Variants in PPIP5K2 observed in about 807,000 individuals in gnomAD.
PPIP5K2 encodes inositol hexakisphosphate and diphosphoinositol-pentakisphosphate kinase 2.
Under a neutral mutation model 154.6 loss-of-function variants are expected in PPIP5K2, and 105 were observed. That is an observed-to-expected ratio of 0.68 (90% confidence interval 0.58 to 0.80). The LOEUF is 0.80. PPIP5K2 is among the 30% of genes least tolerant of loss of function. The pLI, the probability that PPIP5K2 is intolerant of heterozygous loss-of-function variation, is 0.00. For missense variants in PPIP5K2, 992 were observed against 1,504.6 expected (o/e 0.66, Z 5.64); for synonymous variants, 480 against 490.3 (o/e 0.98, Z 0.28).
chr5:103,184,854 A>G (rs1307268669), intron 26 of PPIP5K2, 110 bp downstream of exon 26: 2 of 723,368 alleles, frequency 2.8e-6, no homozygotes, highest in Non-Finnish European at 4.6e-6. Context: ...TGTAGTTTTT[A>G]TTTAATGTGT....
intron 3 of PPIP5K2, among the ~76,000 whole-genome samples, chr5:103,134,814 A>G (rs1791199310): frequency 6.6e-6 from 1 of 152,212 alleles, no homozygotes; most frequent in Non-Finnish European, 1.5e-5. Context: ...AATCATAGAC[A>G]TTGAGACATC....
chr5:103,161,578 A>G (rs1796246956), intron 17 of PPIP5K2, among the ~76,000 whole-genome samples: 1 of 152,198 alleles, frequency 6.6e-6, no homozygotes, highest in Non-Finnish European at 1.5e-5. Flanking sequence ...TCCCACCAAC[A>G]GTGTAAAAGT....
rs1287232956 is a variant in PPIP5K2 at position 103,158,644 on chromosome 5, G to C, written c.1737+71G>C. On this transcript the variant is annotated intron_variant, in intron 16 of 30. Transcript: ENST00000358359. The stretch of plus-strand genomic sequence containing the variant: ...ATTGTATCTTAAAACATTTTTGGCT[G>C]GGCGCAGTGGCTTACACCTGTAATC... 5 of 1,310,808 alleles carry C rather than the reference G, an allele frequency of 3.8e-6. No homozygotes were observed. In the East Asian group the frequency reaches 1.3e-4, roughly 34 times the overall value. The allele number at this position is 1,310,808 out of a possible 1,614,324, so 81.2% of individuals were successfully genotyped here.
At chr5:103,121,407 A>C (rs1215881600) in intron 1 of PPIP5K2, among the ~76,000 whole-genome samples, 2 of 152,186 alleles carry the variant, frequency 1.3e-5, no homozygotes, top group Non-Finnish European at 2.9e-5. Flanking sequence ...GGAGGCTTTG[A>C]ACAGTCAAGC....
chr5:103,190,819 T>A (rs782610583), intron 28 of PPIP5K2, 23 bp from the exon 29 acceptor site: 16 of 1,552,294 alleles, frequency 1.0e-5, no homozygotes, highest in Non-Finnish European at 1.3e-5. Flanking sequence ...TTATTTTTTG[T>A]TTTTGGTTTT....
At chr5:103,132,944 T>A (rs1160394762) in intron 2 of PPIP5K2, among the ~76,000 whole-genome samples, 1 of 152,224 alleles carries the variant, frequency 6.6e-6, no homozygotes, top group South Asian at 2.1e-4. Context: ...GACACCTCTG[T>A]TAGCAGTGTG....
chr5:103,199,067 C>T (rs972801967), intron 30 of PPIP5K2, among the ~76,000 whole-genome samples: 2 of 152,002 alleles, frequency 1.3e-5, no homozygotes, highest in Admixed American at 1.3e-4. Context: ...ATTCATTTAC[C>T]TTACCCTCTT....
chr5:103,198,053 T>G (rs1802388038), intron 30 of PPIP5K2, among the ~76,000 whole-genome samples: 1 of 152,142 alleles, frequency 6.6e-6, no homozygotes, highest in Admixed American at 6.5e-5. Flanking sequence ...CTAAGCATTT[T>G]AGTTGAGTCT....
intron 29 of PPIP5K2, 156 bp from the exon 30 acceptor site, chr5:103,194,744 A>G: frequency 4.3e-6 from 3 of 701,634 alleles, no homozygotes; most frequent in Non-Finnish European, 7.0e-6. Flanking sequence ...CTATCTTTTT[A>G]TTAAAAAAAG....
At position 103,180,149 on chromosome 5, in the gene PPIP5K2, G is replaced by A. The variant is rs782297631; in HGVS notation, c.2883G>A (p.Lys961=). Residue 961 remains lysine (K), a synonymous_variant, in exon 24 of 31, where the codon AAG becomes AAA. Transcript: ENST00000358359. The stretch of plus-strand genomic sequence containing the variant: ...CAGAGCCAATTCATATACACAGGAA[G>A]TCTCCACTTCCAAGATCTAGGAAGA... The part of the protein sequence containing the change: ...MVSEPIHIHR[K]SPLPRSRKTA... The A allele has an allele frequency of 1.9e-6, 3 of 1,598,370 alleles. No individual in the cohort carries two copies. The highest frequency in any genetic ancestry group is 2.6e-6 in the Non-Finnish European group (3 of 1,174,110).
chr5:103,123,402 G>C (rs1173487633), intron 1 of PPIP5K2, among the ~76,000 whole-genome samples: 7 of 152,132 alleles, frequency 4.6e-5, no homozygotes, highest in African/African-American at 1.2e-4. Flanking sequence ...GCATCACCTT[G>C]GAACTTTTGG....
chr5:103,184,625 AATTTATTTTACTCTTTTACTTC>A, intron 25 of PPIP5K2, 25 bp from the exon 26 acceptor site: 3 of 1,455,502 alleles, frequency 2.1e-6, no homozygotes, highest in Non-Finnish European at 2.9e-6. Flanking sequence ...TAGACTTATG[AATTTATTTTACTCTTTTACTTC>A]ATTTATTTTG....
intron 30 of PPIP5K2, among the ~76,000 whole-genome samples, 176 bp downstream of exon 30, chr5:103,195,201 CTGT>C (rs1249740063): frequency 2.0e-5 from 3 of 152,062 alleles, no homozygotes; most frequent in Non-Finnish European, 2.9e-5. Flanking sequence ...TGTTTTTTGT[CTGT>C]TGTCTTCCCC....
rs154357 is a variant in PPIP5K2 at position 103,164,235 on chromosome 5, T to C, written c.1921-2944T>C. Among the ~76,000 whole-genome samples the C allele has an allele frequency of 2.3e-3, 350 of 152,062 alleles. 10 individuals are homozygous for C. In the East Asian group the frequency reaches 0.062, roughly 27 times the overall value. On this transcript the variant is annotated intron_variant, in intron 17 of 30. Transcript: ENST00000358359. ...GATTTCCCTTTTTCTTTCATAACAT[T>C]ATACTTTTTTCCTTTTCTTCTTGAT...
At chr5:103,174,834 A>T (rs1798461661) in intron 21 of PPIP5K2, among the ~76,000 whole-genome samples, 1 of 152,078 alleles carries the variant, frequency 6.6e-6, no homozygotes, top group Non-Finnish European at 1.5e-5. Context: ...TGTAGCATTG[A>T]ATGTGTATGT....
rs782655930 is a variant in PPIP5K2 at position 103,152,723 on chromosome 5, A to T, written c.1104A>T (p.Pro368=). Residue 368 remains proline (P), a synonymous_variant, in exon 10 of 31, where the codon CCA becomes CCT. Transcript: ENST00000358359. ...WSIPLEAEDI[P]IVPTTSGTMM... is the part of the protein sequence containing the mutation. ...TACCCTTAGAAGCTGAAGATATCCC[A>T]ATTGTACCAACTACATCTGGAACTA... The T allele has an allele frequency of 7.0e-6, 11 of 1,582,632 alleles. No homozygotes were observed. Among genetic ancestry groups the T allele is most frequent in the Admixed American group, 3.3e-5 (2 of 59,768 alleles).
intron 26 of PPIP5K2, 34 bp downstream of exon 26, chr5:103,184,778 C>T (rs782265706): frequency 1.3e-6 from 2 of 1,516,102 alleles, no homozygotes; most frequent in Non-Finnish European, 1.8e-6. Flanking sequence ...GTTCCATACC[C>T]TTCTTAAACT....
Position 103,173,140 on chromosome 5 carries a change from G to A in PPIP5K2, c.2287-15G>A. The A allele has an allele frequency of 6.4e-7, 1 of 1,572,864 alleles. No individual in the cohort carries two copies. On this transcript the variant is annotated splice_polypyrimidine_tract_variant and intron_variant, in intron 19 of 30. Transcript: ENST00000358359. Reference sequence around the variant, plus strand: ...CATTATATCCTTTTTCTAATGTCATGTATTTTTTGCTCAGGAATATGGTAT... The same window carrying A: ...CATTATATCCTTTTTCTAATGTCATATATTTTTTGCTCAGGAATATGGTAT...
chr5:103,177,488 G>A (rs1433415649), intron 21 of PPIP5K2, among the ~76,000 whole-genome samples, 179 bp from the exon 22 acceptor site: 1 of 151,958 alleles, frequency 6.6e-6, no homozygotes, highest in Admixed American at 6.6e-5. Context: ...ATCAAAACAA[G>A]CTTAAATAAC....
Sources: allele counts gnomAD v4.1 joint callset (sites outside exome capture counted in the v4.1 genomes callset), GRCh38; gene constraint gnomAD v4.1.1; transcripts MANE v1.5; gene names NCBI Gene and HGNC (gene_info 2026-07-23, HGNC 2026-07-21).